SIDT1: variants seen among roughly 807,000 people sequenced by gnomAD.
SIDT1 encodes SID1 transmembrane family member 1, also known as SID1 transmembrane family, member 1.
In SIDT1, 101 loss-of-function variants were observed where a neutral mutation model predicts 107.5. That is an observed-to-expected ratio of 0.94 (90% CI 0.80 to 1.11). SIDT1 has a LOEUF of 1.11. Among genes scored for constraint, SIDT1 ranks in the 50% least tolerant of loss-of-function variants. SIDT1 has a pLI of 0.00. For missense variants in SIDT1, 1,076 were observed against 1,058.2 expected (o/e 1.02, Z -0.23); for synonymous variants, 395 against 398.2 (o/e 0.99, Z 0.10).
intron 18 of SIDT1, 102 bp downstream of exon 18, chr3:113,611,246 T>G: frequency 1.5e-6 from 2 of 1,373,028 alleles, no homozygotes; most frequent in South Asian, 2.8e-5. Flanking sequence ...ACCAAAATCC[T>G]CAGTTCATGA....
intron 1 of SIDT1, among the ~76,000 whole-genome samples, chr3:113,564,946 T>C (rs1418110164): frequency 6.6e-6 from 1 of 152,216 alleles, no homozygotes; most frequent in Non-Finnish European, 1.5e-5. Context: ...TAAAAAGCAA[T>C]GCAGTGGCTT....
chr3:113,610,913 G>C, intron 17 of SIDT1, 95 bp from the exon 18 acceptor site: 3 of 1,429,688 alleles, frequency 2.1e-6, no homozygotes, highest in Non-Finnish European at 2.9e-6. Flanking sequence ...GGATTGAAGT[G>C]AGGGGTACTC....
chr3:113,605,095 G>T (rs1945229071), intron 14 of SIDT1, 119 bp downstream of exon 14: 8 of 841,036 alleles, frequency 9.5e-6, no homozygotes, highest in South Asian at 1.7e-5. Flanking sequence ...TCCCATTGGG[G>T]TTCCAATTGG....
chr3:113,568,978 C>CA (rs58343492), intron 3 of SIDT1, among the ~76,000 whole-genome samples: 3,032 of 141,668 alleles, frequency 0.021, 56 homozygotes, highest in African/African-American at 0.048. Flanking sequence ...GCTAGAAATA[C>CA]AAAAAAAAAA....
intron 19 of SIDT1, among the ~76,000 whole-genome samples, chr3:113,612,718 C>T (rs1166749890): frequency 6.6e-6 from 1 of 152,164 alleles, no homozygotes; most frequent in African/African-American, 2.4e-5. Context: ...ATTGAATGTT[C>T]TACAGAAATC....
At position 113,608,290 on chromosome 3, in the gene SIDT1, G is replaced by A; in HGVS notation, c.1602+73G>A. 6 of 1,551,884 alleles carry A rather than the reference G, an allele frequency of 3.9e-6. 1 individual carries two copies. In the South Asian group the frequency reaches 7.4e-5, roughly 19 times the overall value. On this transcript the variant is annotated intron_variant, in intron 16 of 24. Transcript: ENST00000264852. ...GGATCTGCAAAGGGGTGGGACATCTGGCTTAATGGTGTGATGATTTATTAT... is the reference window on the plus strand; with the variant it reads ...GGATCTGCAAAGGGGTGGGACATCTAGCTTAATGGTGTGATGATTTATTAT...
chr3:113,561,568 C>T (rs894894730), intron 1 of SIDT1, among the ~76,000 whole-genome samples: 1 of 152,148 alleles, frequency 6.6e-6, no homozygotes, highest in Admixed American at 6.5e-5. Context: ...CATGGATGTA[C>T]ATCTCAGAAT....
At chr3:113,551,788 C>T (rs1940265949) in intron 1 of SIDT1, among the ~76,000 whole-genome samples, 1 of 151,022 alleles carries the variant, frequency 6.6e-6, no homozygotes, top group Non-Finnish European at 1.5e-5. Context: ...TGGTCTTACT[C>T]TGACTCCCTG....
At chr3:113,580,527 T>C in intron 4 of SIDT1, 81 bp from the exon 5 acceptor site, 1 of 815,598 alleles carries the variant, frequency 1.2e-6, no homozygotes, top group Admixed American at 1.8e-5. Context: ...GAGATTTACG[T>C]ATAAATTTTG....
chr3:113,636,339 G>T, the SIDT1 span, among the ~76,000 whole-genome samples: 2 of 152,100 alleles, frequency 1.3e-5, no homozygotes, highest in East Asian at 3.8e-4. Flanking sequence ...GGAGGTGGAG[G>T]TTGCAGAGAG....
At chr3:113,621,514 T>G (rs1206034525) in intron 21 of SIDT1, among the ~76,000 whole-genome samples, 1 of 152,170 alleles carries the variant, frequency 6.6e-6, no homozygotes, top group Non-Finnish European at 1.5e-5. Context: ...AATAGTACTT[T>G]ACACTTTAAA....
Position 113,568,377 on chromosome 3 carries a change from G to A in SIDT1, c.515+667G>A, listed in dbSNP as rs369351875. Among the ~76,000 whole-genome samples the A allele has an allele frequency of 2.1e-3, 326 of 151,840 alleles. 2 individuals are homozygous for A. The highest frequency in any genetic ancestry group is 7.5e-3 in the African/African-American group (311 of 41,400). On this transcript the variant is annotated intron_variant, in intron 3 of 24. Transcript: ENST00000264852. ...TTGGGAGGCCGAGGAGGTGGATCAC[G>A]AGGTCAGGAGATCGAGACCATCCTG...
At chr3:113,611,218 G>A (rs1945715031) in intron 18 of SIDT1, 74 bp downstream of exon 18, 1 of 1,552,374 alleles carries the variant, frequency 6.4e-7, no homozygotes, top group Non-Finnish European at 8.8e-7. Flanking sequence ...CAACAATCAA[G>A]TGAACGGGTT....
chr3:113,619,789 T>A (rs1231433417), intron 21 of SIDT1, 63 bp downstream of exon 21: 2 of 1,397,650 alleles, frequency 1.4e-6, no homozygotes, highest in Non-Finnish European at 2.0e-6. Flanking sequence ...GTGGTTTAGC[T>A]TTCCTTGACT....
At chr3:113,578,015 G>C (rs1943037387) in intron 4 of SIDT1, among the ~76,000 whole-genome samples, 1 of 152,202 alleles carries the variant, frequency 6.6e-6, no homozygotes, top group Admixed American at 6.5e-5. Flanking sequence ...TAAACTTCCT[G>C]TCTGTGAAAG....
intron 6 of SIDT1, among the ~76,000 whole-genome samples, chr3:113,582,307 G>A (rs1943418963): frequency 6.6e-6 from 1 of 152,116 alleles, no homozygotes; most frequent in Non-Finnish European, 1.5e-5. Flanking sequence ...TACCTGCAGC[G>A]TGATCTGTTC....
intron 1 of SIDT1, among the ~76,000 whole-genome samples, chr3:113,544,787 C>T (rs1014890171): frequency 1.2e-4 from 19 of 152,158 alleles, no homozygotes; most frequent in African/African-American, 4.6e-4. Flanking sequence ...GATTTCTCCA[C>T]TGTAAATTTA....
intron 14 of SIDT1, chr3:113,606,730 C>T: frequency 4.1e-6 from 1 of 244,840 alleles, no homozygotes; most frequent in Non-Finnish European, 8.0e-6. Context: ...CTGAAAGGCC[C>T]CAATGTTCGC....
intron 2 of SIDT1, 97 bp from the exon 3 acceptor site, chr3:113,567,443 G>A: frequency 9.9e-7 from 1 of 1,007,296 alleles, no homozygotes; most frequent in East Asian, 2.5e-5. Flanking sequence ...AAATGAATTT[G>A]GAGAGAAGCA....
Sources: gnomAD v4.1 joint callset for allele counts (sites outside exome capture counted in the v4.1 genomes callset) on GRCh38, gnomAD v4.1.1 for gene constraint, MANE v1.5 for transcripts, NCBI Gene and HGNC (gene_info 2026-07-23, HGNC 2026-07-21) for gene names.